The following DNAJC3 variants were observed in gnomAD, a reference collection of about 807,000 sequenced individuals.
DNAJC3 encodes dnaJ homolog subfamily C member 3.
In DNAJC3, 38 loss-of-function variants were observed where a neutral mutation model predicts 68.6. The ratio of observed to expected loss-of-function variants is 0.55; its 90% CI spans 0.43 to 0.73. The LOEUF is 0.73. DNAJC3 is among the 30% of genes least tolerant of loss of function. The probability of loss-of-function intolerance (pLI) is 0.00; values close to 1 mark genes in which losing one functional copy is unlikely to be tolerated. For missense variants in DNAJC3, 526 were observed against 591.9 expected (o/e 0.89, Z 1.16); for synonymous variants, 203 against 204.0 (o/e 1.00, Z 0.04).
chr13:95,724,554 A>G (rs1449151665), intron 3 of DNAJC3, among the ~76,000 whole-genome samples: 1 of 152,204 alleles, frequency 6.6e-6, no homozygotes, highest in East Asian at 1.9e-4. Flanking sequence ...TTACCCTTTA[A>G]AAGTATTCAG....
chr13:95,735,797 T>A, intron 4 of DNAJC3, among the ~76,000 whole-genome samples: 1 of 152,200 alleles, frequency 6.6e-6, no homozygotes, highest in East Asian at 1.9e-4. Context: ...TGATAGTTTC[T>A]TTTGCTGTGC....
At chr13:95,727,390 C>T (rs1263927522) in intron 4 of DNAJC3, among the ~76,000 whole-genome samples, 1 of 152,140 alleles carries the variant, frequency 6.6e-6, no homozygotes, top group Non-Finnish European at 1.5e-5. Context: ...GAGGTGGACT[C>T]TCACAGACCT....
At chr13:95,752,477 G>C (rs1191955424) in intron 4 of DNAJC3, among the ~76,000 whole-genome samples, 1 of 152,098 alleles carries the variant, frequency 6.6e-6, no homozygotes, top group African/African-American at 2.4e-5. Context: ...TTGTGCTTTG[G>C]TTGAAGTATA....
At chr13:95,772,278 T>C (rs1267320184) in intron 9 of DNAJC3, among the ~76,000 whole-genome samples, 1 of 152,244 alleles carries the variant, frequency 6.6e-6, no homozygotes, top group African/African-American at 2.4e-5. Context: ...TATATCACAC[T>C]TTATCTACTG....
rs1193979630 is a variant in DNAJC3, at chr13:95,704,851, G to GTTTTTTTTTTT, written c.83-4368_83-4358dup. On this transcript the variant is annotated intron_variant, in intron 1 of 11. Transcript: ENST00000602402. ...AGAAAGGACTAATCTGTGTGTGTGT[G>GTTTTTTTTTTT]TTTTTTTTTTTTTTTTTTGAGACAG... Among the ~76,000 whole-genome samples, 47 of 97,818 alleles carry GTTTTTTTTTTT rather than the reference G, an allele frequency of 4.8e-4. 4 individuals carry two copies. Among genetic ancestry groups the GTTTTTTTTTTT allele is most frequent in the East Asian group, 1.1e-3 (4 of 3,674 alleles). 64.2% of individuals were successfully genotyped at this position (97,818 alleles called of 152,430 possible).
Position 95,760,156 on chromosome 13 carries a change from T to C in DNAJC3, c.663T>C (p.Asn221=), listed in dbSNP as rs1009393448. Residue 221 remains asparagine (N), a synonymous_variant, in exon 6 of 12, where the codon AAT becomes AAC. Coordinates refer to ENST00000602402, the MANE Select transcript of DNAJC3 (RefSeq NM_006260.5). ...LKAASKLKND[N]TEAFYKISTL... ...CTGCGTCAAAGTTGAAGAATGATAA[T>C]ACTGAAGCGTTTTATAAAATAAGCA... 6.2e-7 allele frequency: 1 copy of C among 1,612,554 alleles called. No individual in the cohort carries two copies. Among genetic ancestry groups the C allele is most frequent in the South Asian group, 1.1e-5 (1 of 90,882 alleles).
chr13:95,735,758 C>G (rs1206076768), intron 4 of DNAJC3, among the ~76,000 whole-genome samples: 1 of 151,726 alleles, frequency 6.6e-6, no homozygotes, highest in Non-Finnish European at 1.5e-5. Flanking sequence ...AAATTTTCTC[C>G]CATTTTGTAG....
rs1347689649 is a variant in DNAJC3 at position 95,791,373 on chromosome 13, C to T, written c.*343C>T. On this transcript the variant is annotated 3_prime_UTR_variant, in exon 12 of 12. Transcript: ENST00000602402. Reference sequence around the variant, plus strand: ...TGAGATTCTTCTCTTCACAGCCTTGCAGAGTAAGTCAGTGCCTACAAGTGT... The same window carrying T: ...TGAGATTCTTCTCTTCACAGCCTTGTAGAGTAAGTCAGTGCCTACAAGTGT... The T allele has an allele frequency of 1.0e-5, 3 of 292,250 alleles. No individual in the cohort carries two copies. Among genetic ancestry groups the T allele is most frequent in the South Asian group, 3.3e-5 (1 of 30,264 alleles). 18.1% of individuals were successfully genotyped at this position (292,250 alleles called of 1,614,324 possible).
chr13:95,775,024 G>A (rs1461493908), intron 9 of DNAJC3, among the ~76,000 whole-genome samples: 1 of 152,024 alleles, frequency 6.6e-6, no homozygotes, highest in African/African-American at 2.4e-5. Context: ...TTTTCTTTTT[G>A]TCCTTTTGTT....
At chr13:95,721,325 C>T (rs1247215163) in intron 2 of DNAJC3, among the ~76,000 whole-genome samples, 2 of 152,152 alleles carry the variant, frequency 1.3e-5, no homozygotes, top group Admixed American at 6.5e-5. Flanking sequence ...TGATGGACTT[C>T]GGGGTTGTTT....
At chr13:95,769,382 G>A (rs1206716921) in intron 9 of DNAJC3, among the ~76,000 whole-genome samples, 1 of 152,186 alleles carries the variant, frequency 6.6e-6, no homozygotes, top group East Asian at 1.9e-4. Context: ...TGGAGGACAA[G>A]GGGTAGAGAT....
At chr13:95,740,611 A>C (rs1304235488) in intron 4 of DNAJC3, among the ~76,000 whole-genome samples, 1 of 152,186 alleles carries the variant, frequency 6.6e-6, no homozygotes, top group Admixed American at 6.5e-5. Flanking sequence ...TGACTCAGAA[A>C]GGGAACTCCC....
At chr13:95,687,188 G>C (rs959038316) in intron 1 of DNAJC3, among the ~76,000 whole-genome samples, 4 of 152,090 alleles carry the variant, frequency 2.6e-5, no homozygotes, top group Non-Finnish European at 5.9e-5. Flanking sequence ...TATTGTTGGT[G>C]TATAGAAATG....
chr13:95,696,062 A>G (rs1880431115), intron 1 of DNAJC3, among the ~76,000 whole-genome samples: 1 of 152,238 alleles, frequency 6.6e-6, no homozygotes, highest in Non-Finnish European at 1.5e-5. Flanking sequence ...TTCCACATGC[A>G]TATAAGCATG....
At chr13:95,685,788 A>G (rs1880059056) in intron 1 of DNAJC3, among the ~76,000 whole-genome samples, 2 of 151,608 alleles carry the variant, frequency 1.3e-5, no homozygotes, top group Non-Finnish European at 2.9e-5. Context: ...CCTCCATGCT[A>G]ACATCTATTT....
chr13:95,737,548 G>A (rs1019917459), intron 4 of DNAJC3, among the ~76,000 whole-genome samples: 5 of 151,952 alleles, frequency 3.3e-5, no homozygotes, highest in Non-Finnish European at 5.9e-5. Context: ...GTTTAGTCTT[G>A]AGAGAGTGTA....
chr13:95,748,084 T>C (rs1882359903), intron 4 of DNAJC3, among the ~76,000 whole-genome samples: 1 of 152,240 alleles, frequency 6.6e-6, no homozygotes, highest in Non-Finnish European at 1.5e-5. Context: ...CATCTATTCT[T>C]GGTCTTCATT....
chr13:95,704,464 A>G (rs770413970), intron 1 of DNAJC3, among the ~76,000 whole-genome samples: 8 of 152,198 alleles, frequency 5.3e-5, no homozygotes, highest in Admixed American at 2.0e-4. Flanking sequence ...AAGCCATTCT[A>G]TGTGATGGAG....
intron 1 of DNAJC3, among the ~76,000 whole-genome samples, chr13:95,703,542 C>T (rs1880637034): frequency 6.6e-6 from 1 of 152,140 alleles, no homozygotes; most frequent in Non-Finnish European, 1.5e-5. Flanking sequence ...ATTTTGCTAC[C>T]CTGAACATGC....
Sources: gnomAD v4.1 joint callset for allele counts (sites outside exome capture counted in the v4.1 genomes callset) on GRCh38, gnomAD v4.1.1 for gene constraint, MANE v1.5 for transcripts, NCBI Gene and HGNC (gene_info 2026-07-23, HGNC 2026-07-21) for gene names.